Variants in ANKS1B observed in about 807,000 individuals in gnomAD.
ANKS1B encodes the protein ankyrin repeat and sterile alpha motif domain-containing protein 1B.
ANKS1B carries 36 observed loss-of-function variants against 148.3 expected under a neutral mutation model. The observed-to-expected ratio is 0.24, with a 90% CI of 0.19 to 0.32. The LOEUF (loss-of-function observed/expected upper bound fraction) is 0.32. ANKS1B is among the 10% of genes least tolerant of loss of function. The pLI is 1.00. For synonymous variants in ANKS1B, 542 were observed against 560.8 expected (o/e 0.97, Z 0.47); for missense variants, 1,157 against 1,542.6 (o/e 0.75, Z 4.19).
intron 8 of ANKS1B, among the ~76,000 whole-genome samples, chr12:99,767,746 A>T (rs567077772): frequency 6.6e-6 from 1 of 152,290 alleles, no homozygotes; most frequent in Non-Finnish European, 1.5e-5. Context: ...GAGTATATAA[A>T]ACAGACTGAC....
chr12:99,843,152 T>C (rs1013393716), intron 1 of ANKS1B, among the ~76,000 whole-genome samples: 1 of 152,148 alleles, frequency 6.6e-6, no homozygotes, highest in African/African-American at 2.4e-5. Context: ...CTACATCATT[T>C]CTGTCATTTA....
At chr12:99,962,810 C>CTTTTT (rs1010885602) in intron 1 of ANKS1B, among the ~76,000 whole-genome samples, 12 of 120,714 alleles carry the variant, frequency 9.9e-5, no homozygotes, top group Admixed American at 1.7e-4. Flanking sequence ...TGATGTTGAG[C>CTTTTT]TTTTTTTTTT....
At chr12:99,887,363 C>T (rs1001464974) in intron 1 of ANKS1B, among the ~76,000 whole-genome samples, 6 of 152,154 alleles carry the variant, frequency 3.9e-5, no homozygotes, top group Admixed American at 2.6e-4. Context: ...ATACTGAATA[C>T]ATGTTGAAAT....
intron 8 of ANKS1B, among the ~76,000 whole-genome samples, chr12:99,656,879 T>C (rs890832872): frequency 7.9e-5 from 12 of 152,300 alleles, no homozygotes; most frequent in Admixed American, 3.3e-4. Flanking sequence ...ATATTCTACA[T>C]ATTGGATTGT....
At chr12:99,126,396 A>C (rs563391788) in intron 15 of ANKS1B, among the ~76,000 whole-genome samples, 1 of 152,302 alleles carries the variant, frequency 6.6e-6, no homozygotes, top group South Asian at 2.1e-4. Context: ...TTGCAAACAT[A>C]AAGTTTCCTT....
intron 12 of ANKS1B, among the ~76,000 whole-genome samples, chr12:99,315,158 T>C (rs932138326): frequency 7.3e-5 from 11 of 150,916 alleles, no homozygotes; most frequent in Non-Finnish European, 4.4e-5. Flanking sequence ...CAGAATTGCT[T>C]GAACCTGGGA....
chr12:99,250,631 A>G (rs141961760), intron 12 of ANKS1B, among the ~76,000 whole-genome samples: 196 of 152,332 alleles, frequency 1.3e-3, no homozygotes, highest in Non-Finnish European at 2.4e-3. Context: ...GGCCAGAAGA[A>G]GACACCCACC....
At chr12:99,116,387 C>T (rs192219438) in intron 15 of ANKS1B, among the ~76,000 whole-genome samples, 1 of 152,280 alleles carries the variant, frequency 6.6e-6, no homozygotes, top group African/African-American at 2.4e-5. Flanking sequence ...CCTCATTCAC[C>T]ATCTGAAAAC....
At chr12:98,890,200 T>A (rs2099749411) in intron 17 of ANKS1B, among the ~76,000 whole-genome samples, 1 of 152,120 alleles carries the variant, frequency 6.6e-6, no homozygotes, top group African/African-American at 2.4e-5. Flanking sequence ...ATTATCTAAT[T>A]TGAGGCTTTG....
chr12:98,882,630 T>C (rs972670927), intron 17 of ANKS1B, among the ~76,000 whole-genome samples: 3 of 152,160 alleles, frequency 2.0e-5, no homozygotes, highest in African/African-American at 7.2e-5. Flanking sequence ...ACTATCAATG[T>C]GGCATGCTTT....
chr12:99,809,802 G>C (rs1453620965), intron 3 of ANKS1B, among the ~76,000 whole-genome samples: 1 of 152,042 alleles, frequency 6.6e-6, no homozygotes, highest in African/African-American at 2.4e-5. Context: ...TCAGAATGAA[G>C]CCCTGACTAT....
intron 17 of ANKS1B, among the ~76,000 whole-genome samples, chr12:98,863,442 T>C (rs899673758): frequency 1.3e-5 from 2 of 152,222 alleles, no homozygotes; most frequent in African/African-American, 2.4e-5. Context: ...GTGACCCAAG[T>C]GAGGCTTCTG....
At chr12:99,288,244 C>G (rs910693005) in intron 12 of ANKS1B, among the ~76,000 whole-genome samples, 1 of 152,040 alleles carries the variant, frequency 6.6e-6, no homozygotes, top group African/African-American at 2.4e-5. Context: ...GCCTTCCAGG[C>G]CAGGAGAGAG....
intron 14 of ANKS1B, among the ~76,000 whole-genome samples, chr12:99,211,447 G>C (rs11109759): frequency 0.3 from 45,549 of 152,060 alleles, 8,296 homozygotes; most frequent in East Asian, 0.53. Flanking sequence ...TCTGCTTTTT[G>C]TCATCTATTT....
intron 4 of ANKS1B, among the ~76,000 whole-genome samples, chr12:99,797,183 T>C (rs1338728848): frequency 2.0e-5 from 3 of 151,380 alleles, no homozygotes; most frequent in African/African-American, 7.3e-5. Context: ...CTTCTTTTCA[T>C]CAGAGATTAG....
chr12:98,755,265 C>G (rs1342801508), intron 25 of ANKS1B, among the ~76,000 whole-genome samples: 1 of 152,144 alleles, frequency 6.6e-6, no homozygotes, highest in Non-Finnish European at 1.5e-5. Flanking sequence ...CTATCATGTA[C>G]GAGGAGACTC....
rs148733402 is a variant in ANKS1B, at chr12:99,874,855, T to C, written c.135-49466A>G. ...CTTACATCACAAGACTGGTGTGATG[T>C]TCAAAATACACATAAAGCACTTGAC... On this transcript the variant is annotated intron_variant, in intron 1 of 26. Coordinates refer to ENST00000683438, the MANE Select transcript of ANKS1B (RefSeq NM_001352186.2). 3.4e-4 allele frequency among the ~76,000 whole-genome samples: 52 copies of C among 152,300 alleles called. No individual in the cohort carries two copies. In the East Asian group the frequency reaches 7.5e-3, roughly 22 times the overall value.
chr12:99,424,526 G>C (rs980412809), intron 11 of ANKS1B, among the ~76,000 whole-genome samples: 1 of 150,268 alleles, frequency 6.7e-6, no homozygotes, highest in African/African-American at 2.4e-5. Flanking sequence ...GAAGTAAATA[G>C]ACAGGTTTGA....
intron 9 of ANKS1B, among the ~76,000 whole-genome samples, chr12:99,633,429 C>A (rs997751352): frequency 2.6e-5 from 4 of 151,990 alleles, no homozygotes; most frequent in African/African-American, 4.8e-5. Flanking sequence ...AACTGGCTAG[C>A]CATATATAGA....
Sources: allele counts gnomAD v4.1 joint callset (sites outside exome capture counted in the v4.1 genomes callset), GRCh38; gene constraint gnomAD v4.1.1; transcripts MANE v1.5; gene names NCBI Gene and HGNC (gene_info 2026-07-23, HGNC 2026-07-21).